C12orf56: variants seen among roughly 807,000 people sequenced by gnomAD.
C12orf56 encodes the protein uncharacterized protein C12orf56.
A neutral mutation model predicts 69.9 loss-of-function variants in C12orf56; 71 were observed. The ratio of observed to expected loss-of-function variants is 1.02; its 90% CI spans 0.84 to 1.24. The LOEUF (loss-of-function observed/expected upper bound fraction) is 1.24, where lower values mean the gene tolerates loss of function less well. Among genes scored for constraint, C12orf56 ranks in the 50% most tolerant of loss-of-function variants. The probability of loss-of-function intolerance (pLI) is 0.00; values close to 1 mark genes in which losing one functional copy is unlikely to be tolerated. For synonymous variants in C12orf56, 276 were observed against 274.1 expected (o/e 1.01, Z -0.07); for missense variants, 732 against 738.5 (o/e 0.99, Z 0.10).
At chr12:64,337,865 A>C (rs1156971329) in intron 2 of C12orf56, among the ~76,000 whole-genome samples, 4 of 151,828 alleles carry the variant, frequency 2.6e-5, no homozygotes, top group Non-Finnish European at 4.4e-5. Context: ...AAAAAAAAAA[A>C]AAAAAAAAAC....
intron 5 of C12orf56, among the ~76,000 whole-genome samples, chr12:64,311,006 A>C (rs1174349858): frequency 6.6e-6 from 1 of 152,004 alleles, no homozygotes; most frequent in Non-Finnish European, 1.5e-5. Flanking sequence ...GCTCAGAATG[A>C]TGGTTTCCAG....
Position 64,277,741 on chromosome 12 carries a change from G to C in C12orf56, c.1373C>G (p.Pro458Arg). The C allele has an allele frequency of 6.2e-7, 1 of 1,601,452 alleles. No homozygotes were observed. Among genetic ancestry groups the C allele is most frequent in the Non-Finnish European group, 8.5e-7 (1 of 1,172,788 alleles). Residue 458 changes from proline (P) to arginine (R), a missense_variant, in exon 9 of 13, where the codon CCT (proline) becomes CGT (arginine). Physicochemically the swap from Pro to Arg is moderately radical, Grantham distance 103 (BLOSUM62 -2). Coordinates refer to ENST00000543942, the MANE Select transcript of C12orf56 (RefSeq NM_001170633.2). ...ISEPQIPKSC[P>R]VFDIQLVADS... ...AGCCACCAACTGGATATCAAACACA[G>C]GACAAGATTTTGGAATCTGAGGCTC...
chr12:64,331,941 C>A (rs1331468414), intron 2 of C12orf56, among the ~76,000 whole-genome samples: 1 of 141,152 alleles, frequency 7.1e-6, no homozygotes, highest in African/African-American at 2.6e-5. Flanking sequence ...GGGTTCTTAT[C>A]CTTAAATAAA....
At chr12:64,381,236 T>C (rs1483981839) in intron 1 of C12orf56, among the ~76,000 whole-genome samples, 1 of 152,080 alleles carries the variant, frequency 6.6e-6, no homozygotes. Context: ...GTGGGGGCAA[T>C]AAGATCAGAC....
Position 64,310,854 on chromosome 12 carries a change from G to A in C12orf56, c.968+1825C>T, listed in dbSNP as rs370721881. On this transcript the variant is annotated intron_variant, in intron 5 of 12. Coordinates refer to ENST00000543942, the MANE Select transcript of C12orf56 (RefSeq NM_001170633.2). ...GTTTACATTAGGTATATTTCCTAAT[G>A]CTATCCCTCCCCCCTTCCCCCACCC... Among the ~76,000 whole-genome samples the A allele has an allele frequency of 2.8e-4, 43 of 151,908 alleles. No homozygotes were observed. The East Asian group carries it at 6.8e-3, about 24-fold the overall frequency.
At position 64,270,543 on chromosome 12, in the gene C12orf56, C is replaced by A. The variant is rs1360425650; in HGVS notation, c.1756G>T (p.Glu586Ter). 2 of 1,555,150 alleles carry A rather than the reference C, an allele frequency of 1.3e-6. No homozygotes were observed. Reference protein sequence around the residue: ...AEYIRNNYREEFRYFIHMPAL... With the variant: ...AEYIRNNYRE ...TCAGACATTTTTTCTTACCTGAATT[C>A]TTCTCTGTAGTTATTCCTAATATAC... The change falls in exon 12 of 13, where the codon GAA becomes TAA. Residue 586 changes from glutamate (E) to a stop codon, truncating the protein, a stop_gained. Transcript: ENST00000543942. LOFTEE classifies it high-confidence loss of function.
intron 1 of C12orf56, among the ~76,000 whole-genome samples, chr12:64,379,748 A>G (rs80353903): frequency 0.017 from 2,597 of 152,038 alleles, 48 homozygotes; most frequent in Non-Finnish European, 0.027. Flanking sequence ...AGAAGCATCT[A>G]TAATATGGCC....
chr12:64,389,294 C>T (rs1482281131), intron 1 of C12orf56: 1 of 152,224 alleles, frequency 6.6e-6, no homozygotes, highest in Non-Finnish European at 1.5e-5. Context: ...GGTACAGGAA[C>T]AGCACCCGAA....
At chr12:64,276,773 C>T (rs771103089) in intron 9 of C12orf56, among the ~76,000 whole-genome samples, 2 of 151,288 alleles carry the variant, frequency 1.3e-5, no homozygotes, top group South Asian at 2.1e-4. Context: ...ACAGGCAAAT[C>T]GCTTGAGCTC....
intron 2 of C12orf56, among the ~76,000 whole-genome samples, chr12:64,335,162 A>T (rs1028664383): frequency 7.9e-5 from 12 of 152,288 alleles, no homozygotes; most frequent in Middle Eastern, 3.4e-3. Flanking sequence ...CATGCCTATA[A>T]TCCCAGCACT....
At chr12:64,375,255 A>G (rs905336609) in intron 1 of C12orf56, among the ~76,000 whole-genome samples, 6 of 151,806 alleles carry the variant, frequency 4.0e-5, no homozygotes, top group East Asian at 1.9e-4. Flanking sequence ...CAGTTTCACC[A>G]TGTTGGCCAG....
At chr12:64,344,119 C>T (rs1176474612) in intron 2 of C12orf56, among the ~76,000 whole-genome samples, 3 of 152,174 alleles carry the variant, frequency 2.0e-5, no homozygotes, top group Non-Finnish European at 4.4e-5. Context: ...TCCAGTAGTC[C>T]CCTAAACATC....
At chr12:64,357,299 T>A (rs1209412232) in intron 1 of C12orf56, among the ~76,000 whole-genome samples, 1 of 152,212 alleles carries the variant, frequency 6.6e-6, no homozygotes, top group Non-Finnish European at 1.5e-5. Context: ...GAAATTGTTT[T>A]ATGGGAGATT....
At chr12:64,298,756 C>A (rs1055313836) in intron 6 of C12orf56, among the ~76,000 whole-genome samples, 4 of 152,166 alleles carry the variant, frequency 2.6e-5, no homozygotes, top group African/African-American at 9.7e-5. Context: ...GTTTTGGTAC[C>A]AGTACCATGC....
intron 1 of C12orf56, among the ~76,000 whole-genome samples, chr12:64,356,804 C>T (rs977834974): frequency 1.3e-5 from 2 of 152,138 alleles, no homozygotes; most frequent in Non-Finnish European, 2.9e-5. Flanking sequence ...GAGAGCTGAA[C>T]ATACTAACAT....
chr12:64,344,533 G>T (rs935289002), intron 2 of C12orf56, among the ~76,000 whole-genome samples: 10 of 152,170 alleles, frequency 6.6e-5, no homozygotes, highest in Non-Finnish European at 1.3e-4. Context: ...TGGTAACTAT[G>T]CCCACCTTGC....
rs76726317 is a variant in C12orf56 at position 64,330,350 on chromosome 12, C to T, written c.488+610G>A. ...TTTTCAATCCCATGGGGCTAACTAA[C>T]ACATGTTCCATTTCTTTTCTGCCTG... On this transcript the variant is annotated intron_variant, in intron 3 of 12. Coordinates refer to ENST00000543942, the MANE Select transcript of C12orf56 (RefSeq NM_001170633.2). 1.2e-3 allele frequency among the ~76,000 whole-genome samples: 190 copies of T among 152,296 alleles called. 1 individual carries two copies. The highest frequency in any genetic ancestry group is 4.2e-3 in the African/African-American group (174 of 41,568).
chr12:64,379,249 C>G (rs2039679811), intron 1 of C12orf56, among the ~76,000 whole-genome samples: 1 of 151,984 alleles, frequency 6.6e-6, no homozygotes, highest in African/African-American at 2.4e-5. Flanking sequence ...GACAAGATGC[C>G]TGCCTTCATG....
intron 11 of C12orf56, among the ~76,000 whole-genome samples, chr12:64,272,399 G>A (rs2038001793): frequency 6.6e-6 from 1 of 151,778 alleles, no homozygotes; most frequent in Non-Finnish European, 1.5e-5. Context: ...CAGCTACTTG[G>A]GAGACTGAGG....
Sources: gnomAD v4.1 joint callset for allele counts (sites outside exome capture counted in the v4.1 genomes callset) on GRCh38, gnomAD v4.1.1 for gene constraint, MANE v1.5 for transcripts, NCBI Gene and HGNC (gene_info 2026-07-23, HGNC 2026-07-21) for gene names.